The following KRT84 variants were observed in gnomAD, a reference collection of about 807,000 sequenced individuals.
KRT84 encodes keratin, type II cuticular Hb4.
A neutral mutation model predicts 49.0 loss-of-function variants in KRT84; 38 were observed. That is an observed-to-expected ratio of 0.78 (90% CI 0.60 to 1.02). The LOEUF (loss-of-function observed/expected upper bound fraction) is 1.02, where lower values mean the gene tolerates loss of function less well. Ranked by LOEUF, KRT84 falls within the 50% of genes least tolerant of loss-of-function variation. KRT84 has a pLI of 0.00. For missense variants in KRT84, 860 were observed against 788.6 expected, an observed-to-expected ratio of 1.09 and a Z score of -1.08; for synonymous variants, 334 against 312.8, an observed-to-expected ratio of 1.07 and a Z score of -0.72.
intron 4 of KRT84, 30 bp downstream of exon 4, chr12:52,382,407 T>A (rs767153029): frequency 6.8e-7 from 1 of 1,477,150 alleles, no homozygotes; most frequent in Admixed American, 1.7e-5. Context: ...ATTGATCTCC[T>A]TGGGTGCCCT....
chr12:52,386,483 G>T (rs1161703680), upstream of KRT84, among the ~76,000 whole-genome samples: 6 of 150,788 alleles, frequency 4.0e-5, no homozygotes, highest in Admixed American at 6.6e-5. Context: ...CCGCCTCCCA[G>T]ATAGCTGGGA....
chr12:52,378,143 C>A lies in KRT84; in HGVS notation c.1694G>T (p.Ser565Ile). 6.4e-7 allele frequency: 1 copy of A among 1,569,076 alleles called. No homozygotes were observed. The highest frequency in any genetic ancestry group is 8.6e-7 in the Non-Finnish European group (1 of 1,159,278). Residue 565 changes from serine (S) to isoleucine (I), a missense_variant, in exon 9 of 9, where the codon AGC becomes ATC. By Grantham distance (142) the Ser-to-Ile change is moderately radical (BLOSUM62 -2). Transcript: ENST00000257951. ...CTGGGTGGGCAGGGGGCAGGGGACG[C>A]TGGGGACACAGGCCTCGCTGATGAG... ...SMLISEACVPSVPCPLPTQGG... is the reference protein window; with the variant it reads ...SMLISEACVPIVPCPLPTQGG...
Position 52,382,994 on chromosome 12 carries a change from T to C in KRT84, c.816+11A>G. 1.9e-6 allele frequency: 3 copies of C among 1,612,998 alleles called. No individual in the cohort carries two copies. The highest frequency in any genetic ancestry group is 1.7e-4 in the Middle Eastern group (1 of 6,056). On this transcript the variant is annotated intron_variant, in intron 3 of 8. Transcript: ENST00000257951. ...GAGGAGAAGTTGGCCTGGTCTGTGG[T>C]TCCCCCTTACCTTCTTCAGAGCCAC... is the stretch of plus-strand genomic sequence containing the variant.
At chr12:52,384,342 G>A (rs1469553387) in intron 1 of KRT84, among the ~76,000 whole-genome samples, 4 of 152,174 alleles carry the variant, frequency 2.6e-5, no homozygotes, top group Admixed American at 6.5e-5. Context: ...ACTTACAGAG[G>A]TTATCCTTCA....
At position 52,385,330 on chromosome 12, in the gene KRT84, C is replaced by T. The variant is rs768320642; in HGVS notation, c.256G>A (p.Gly86Ser). Residue 86 changes from glycine to serine, a missense_variant, in exon 1 of 9, where the codon GGT (glycine) becomes AGT (serine). Coordinates refer to ENST00000257951, the MANE Select transcript of KRT84 (RefSeq NM_033045.4). ...GVRFGAGCGMGFGDGRGVGLG... is the reference protein window; with the variant it reads ...GVRFGAGCGMSFGDGRGVGLG... ...CCAACACCTCTCCCATCACCAAAACCCATCCCACAGCCAGCACCAAAGCGG... is the reference window on the plus strand; with the variant it reads ...CCAACACCTCTCCCATCACCAAAACTCATCCCACAGCCAGCACCAAAGCGG... The T allele has an allele frequency of 6.2e-7, 1 of 1,614,202 alleles. No individual in the cohort carries two copies. Among genetic ancestry groups the T allele is most frequent in the South Asian group, 1.1e-5 (1 of 91,074 alleles).
At position 52,382,430 on chromosome 12, in the gene KRT84, C is replaced by T; in HGVS notation, c.912+7G>A. 1 of 1,590,622 alleles carries T rather than the reference C, an allele frequency of 6.3e-7. No homozygotes were observed. ...CCTTGGGTGCCCTAGAGAAGATGAACCCTCACCTCCATGTAAAGCGTTTTT... is the reference window on the plus strand; with the variant it reads ...CCTTGGGTGCCCTAGAGAAGATGAATCCTCACCTCCATGTAAAGCGTTTTT... On this transcript the variant is annotated splice_region_variant and intron_variant, in intron 4 of 8. Transcript: ENST00000257951.
Position 52,382,527 on chromosome 12 carries a change from C to A in KRT84, c.822G>T (p.Val274=), listed in dbSNP as rs959235317. Residue 274 remains valine, a synonymous_variant, in exon 4 of 9, where the codon GTG becomes GTT. Transcript: ENST00000257951. ...CAGACTTGTTCATGAAAGCTGCATCCACATCCTGTATAAAACAGAGAAGGA... is the reference window on the plus strand; with the variant it reads ...CAGACTTGTTCATGAAAGCTGCATCAACATCCTGTATAAAACAGAGAAGGA... ...ENEFVALKKD[V]DAAFMNKSDL... 7.4e-6 allele frequency: 12 copies of A among 1,612,248 alleles called. No homozygotes were observed. The highest frequency in any genetic ancestry group is 9.3e-6 in the Non-Finnish European group (11 of 1,178,432).
intron 8 of KRT84, among the ~76,000 whole-genome samples, chr12:52,379,441 T>C (rs1027503249): frequency 3.9e-5 from 6 of 152,260 alleles, no homozygotes; most frequent in African/African-American, 1.4e-4. Context: ...CTGCCCTGCG[T>C]GCTTTGGGTA....
intron 2 of KRT84, 42 bp downstream of exon 2, chr12:52,383,548 G>A (rs781293076): frequency 3.9e-5 from 61 of 1,564,644 alleles, no homozygotes; most frequent in Non-Finnish European, 5.1e-5. Context: ...CTGGGGCCAG[G>A]CCTGGCCTGT....
chr12:52,383,168 C>G, intron 2 of KRT84, 103 bp from the exon 3 acceptor site: 3 of 924,686 alleles, frequency 3.2e-6, no homozygotes, highest in Non-Finnish European at 3.6e-6. Context: ...TGTGCAGGAT[C>G]ATGGTTCCCT....
intron 3 of KRT84, 43 bp downstream of exon 3, chr12:52,382,962 C>T (rs758807243): frequency 1.9e-5 from 30 of 1,567,812 alleles, no homozygotes; most frequent in Middle Eastern, 3.4e-4. Context: ...GAACATTTGC[C>T]GGTCCAGAGG....
At position 52,378,079 on chromosome 12, in the gene KRT84, G is replaced by T. The variant is rs751631485; in HGVS notation, c.1758C>A (p.Ser586Arg). The T allele has an allele frequency of 6.7e-7, 1 of 1,499,014 alleles. No individual in the cohort carries two copies. The highest frequency in any genetic ancestry group is 8.9e-7 in the Non-Finnish European group (1 of 1,129,060). The allele number at this position is 1,499,014 out of a possible 1,614,324, so 92.9% of individuals were successfully genotyped here. ...FSSCSGGRSSSVRFVSTTTSC... is the reference protein window; with the variant it reads ...FSSCSGGRSSRVRFVSTTTSC... The stretch of plus-strand genomic sequence containing the variant: ...AGGTGGTGGTGGACACAAAGCGGAC[G>T]CTGGAGCTGCGGCCGCCGCTGCAGC... Residue 586 changes from serine (S) to arginine (R), a missense_variant, in exon 9 of 9, where the codon AGC (serine) becomes AGA (arginine). Coordinates refer to ENST00000257951, the MANE Select transcript of KRT84 (RefSeq NM_033045.4).
intron 7 of KRT84, 107 bp from the exon 8 acceptor site, chr12:52,380,014 T>A: frequency 1.0e-6 from 1 of 972,910 alleles, no homozygotes; most frequent in South Asian, 1.4e-5. Context: ...GAGCAGTAGT[T>A]CTCACCCCTG....
chr12:52,378,794 T>C (rs1732287), intron 8 of KRT84, among the ~76,000 whole-genome samples: 123,558 of 152,072 alleles, frequency 0.81, 50,671 homozygotes, highest in African/African-American at 0.93. Context: ...GTGGTCTCCA[T>C]ATTTCCCCTA....
In KRT84 at chr12:52,382,442, T is replaced by C. The variant is rs750494137; in HGVS notation, c.907A>G (p.Met303Val). The change falls in exon 4 of 9, where the codon ATG becomes GTG. Residue 303 changes from methionine to valine, a missense_variant. Coordinates refer to ENST00000257951, the MANE Select transcript of KRT84 (RefSeq NM_033045.4). ...QEIDFLKTLY[M>V]EEIQLLQSHI... is the part of the protein sequence containing the mutation. Reference sequence around the variant, plus strand: ...TAGAGAAGATGAACCCTCACCTCCATGTAAAGCGTTTTTAGAAAGTCAATT... The same window carrying C: ...TAGAGAAGATGAACCCTCACCTCCACGTAAAGCGTTTTTAGAAAGTCAATT... The C allele has an allele frequency of 2.2e-5, 35 of 1,612,014 alleles. No homozygotes were observed. Among genetic ancestry groups the C allele is most frequent in the South Asian group, 4.4e-5 (4 of 91,034 alleles).
At chr12:52,384,950 A>C in intron 1 of KRT84, 90 bp downstream of exon 1, 1 of 1,350,460 alleles carries the variant, frequency 7.4e-7, no homozygotes, top group Non-Finnish European at 1.0e-6. Context: ...AAGTCCCCAG[A>C]ACCGGGCCAG....
In KRT84 at chr12:52,381,373, C is replaced by G; in HGVS notation, c.1065G>C (p.Trp355Cys). The change falls in exon 5 of 9, where the codon TGG becomes TGC. Residue 355 changes from tryptophan (W) to cysteine (C), a missense_variant. Coordinates refer to ENST00000257951, the MANE Select transcript of KRT84 (RefSeq NM_033045.4). ...CTCCACTGCCCACCTTGGTCTGGTACCAGGCCTCAGCATCAGCCCGGCTGC... is the reference window on the plus strand; with the variant it reads ...CTCCACTGCCCACCTTGGTCTGGTAGCAGGCCTCAGCATCAGCCCGGCTGC... ...ARRSRADAEA[W>C]YQTKYEEMQV... The G allele has an allele frequency of 6.2e-7, 1 of 1,614,202 alleles. No homozygotes were observed. Among genetic ancestry groups the G allele is most frequent in the Non-Finnish European group, 8.5e-7 (1 of 1,180,036 alleles).
intron 5 of KRT84, 71 bp from the exon 6 acceptor site, chr12:52,381,276 G>A (rs1445586145): frequency 6.2e-7 from 1 of 1,608,926 alleles, no homozygotes; most frequent in Non-Finnish European, 8.5e-7. Context: ...TGAGTTGGGG[G>A]CTTCAAACCT....
At position 52,378,203 on chromosome 12, in the gene KRT84, T is replaced by C. The variant is rs1939419158; in HGVS notation, c.1634A>G (p.Asp545Gly). 1.3e-6 allele frequency: 2 copies of C among 1,575,842 alleles called. No homozygotes were observed. Among genetic ancestry groups the C allele is most frequent in the Non-Finnish European group, 8.6e-7 (1 of 1,161,888 alleles). Residue 545 changes from aspartate (D) to glycine (G), a missense_variant, in exon 9 of 9, where the codon GAC (aspartate) becomes GGC (glycine). Coordinates refer to ENST00000257951, the MANE Select transcript of KRT84 (RefSeq NM_033045.4). Reference protein sequence around the residue: ...GGARVAPATGDLLSTGTRSGS... With the variant: ...GGARVAPATGGLLSTGTRSGS... Reference sequence around the variant, plus strand: ...ACTCCTTGTGCCAGTGCTCAGCAGGTCCCCAGTGGCCGGGGCGACCCGGGC... The same window carrying C: ...ACTCCTTGTGCCAGTGCTCAGCAGGCCCCCAGTGGCCGGGGCGACCCGGGC...
Sources: allele counts gnomAD v4.1 joint callset (sites outside exome capture counted in the v4.1 genomes callset), GRCh38; gene constraint gnomAD v4.1.1; transcripts MANE v1.5; gene names NCBI Gene and HGNC (gene_info 2026-07-23, HGNC 2026-07-21).